PHACTR1: variants seen among roughly 807,000 people sequenced by gnomAD.
PHACTR1 encodes the protein RPEL repeat containing 1.
Under a neutral mutation model 69.2 loss-of-function variants are expected in PHACTR1, and 16 were observed. That is an observed-to-expected ratio of 0.23 (90% CI 0.16 to 0.35). The LOEUF (loss-of-function observed/expected upper bound fraction) is 0.35, where lower values mean the gene tolerates loss of function less well. Ranked by LOEUF, PHACTR1 falls within the 10% of genes least tolerant of loss-of-function variation. The pLI is 1.00. For synonymous variants in PHACTR1, 312 were observed against 284.5 expected, an observed-to-expected ratio of 1.10 and a Z score of -0.97; for missense variants, 510 against 734.7, an observed-to-expected ratio of 0.69 and a Z score of 3.54.
chr6:13,014,959 G>C (rs773776911), intron 4 of PHACTR1, among the ~76,000 whole-genome samples: 1 of 152,214 alleles, frequency 6.6e-6, no homozygotes, highest in Non-Finnish European at 1.5e-5. Context: ...GGCGGTTCCC[G>C]AGCAGCTCAC....
intron 8 of PHACTR1, among the ~76,000 whole-genome samples, chr6:13,219,881 T>C (rs1447492919): frequency 3.3e-5 from 5 of 152,190 alleles, no homozygotes; most frequent in Admixed American, 6.5e-5. Flanking sequence ...CTTTGCTGAT[T>C]CTCCAGGAGA....
At chr6:12,782,304 A>G (rs1770941259) in intron 4 of PHACTR1, among the ~76,000 whole-genome samples, 1 of 152,130 alleles carries the variant, frequency 6.6e-6, no homozygotes, top group South Asian at 2.1e-4. Flanking sequence ...ATAGCATACT[A>G]GTTCTGGCTA....
At chr6:12,797,464 G>A (rs569644885) in intron 4 of PHACTR1, among the ~76,000 whole-genome samples, 9 of 152,254 alleles carry the variant, frequency 5.9e-5, no homozygotes, top group Non-Finnish European at 1.3e-4. Context: ...TAACTCATCG[G>A]TTACTTCTTT....
intron 10 of PHACTR1, among the ~76,000 whole-genome samples, chr6:13,264,186 CA>C (rs1270270993): frequency 6.6e-6 from 1 of 152,144 alleles, no homozygotes; most frequent in Admixed American, 6.5e-5. Flanking sequence ...CGGAACATTG[CA>C]AATCTACATG....
chr6:12,783,433 ATTTCTT>A (rs1348598263), intron 4 of PHACTR1, among the ~76,000 whole-genome samples: 2 of 152,158 alleles, frequency 1.3e-5, no homozygotes, highest in East Asian at 3.8e-4. Context: ...TTAAAGACAC[ATTTCTT>A]TGCTCTTTTG....
chr6:13,064,547 GATATATATATATATATATATATATATAT>G (rs1195089569), intron 5 of PHACTR1, among the ~76,000 whole-genome samples: 1,575 of 70,200 alleles, frequency 0.022, 125 homozygotes, highest in African/African-American at 0.071. Flanking sequence ...GAAGGGAAAA[GATATATATATATATATATATATATATAT>G]ATATATATAT....
chr6:12,958,696 TC>T (rs372293801), intron 4 of PHACTR1, among the ~76,000 whole-genome samples: 137 of 152,324 alleles, frequency 9.0e-4, no homozygotes, highest in African/African-American at 3.2e-3. Context: ...AATTGTTATT[TC>T]TTTTTTATTG....
chr6:13,133,746 C>T (rs1472529399), intron 5 of PHACTR1, among the ~76,000 whole-genome samples: 1 of 151,980 alleles, frequency 6.6e-6, no homozygotes, highest in Non-Finnish European at 1.5e-5. Context: ...GCGTCTCTGC[C>T]TGGCCGCCCA....
intron 4 of PHACTR1, among the ~76,000 whole-genome samples, chr6:12,751,096 C>T (rs559511091): frequency 3.3e-5 from 5 of 152,298 alleles, no homozygotes; most frequent in Admixed American, 2.0e-4. Flanking sequence ...GAGAAAACTG[C>T]ATAGAAAAAC....
At chr6:12,801,212 A>G (rs1773654401) in intron 4 of PHACTR1, among the ~76,000 whole-genome samples, 1 of 152,190 alleles carries the variant, frequency 6.6e-6, no homozygotes, top group Admixed American at 6.5e-5. Context: ...AATGTATTAT[A>G]AAAAGGCTGA....
intron 4 of PHACTR1, among the ~76,000 whole-genome samples, chr6:12,899,924 CA>C (rs1351345327): frequency 6.6e-6 from 1 of 152,168 alleles, no homozygotes; most frequent in African/African-American, 2.4e-5. Flanking sequence ...ACAAGAGGGC[CA>C]TCATCACTGG....
intron 3 of PHACTR1, among the ~76,000 whole-genome samples, chr6:12,726,217 G>A (rs1762773909): frequency 6.6e-6 from 1 of 152,136 alleles, no homozygotes; most frequent in African/African-American, 2.4e-5. Context: ...GACTTCCAGG[G>A]ATCCCTGAGT....
intron 5 of PHACTR1, among the ~76,000 whole-genome samples, chr6:13,123,421 G>C (rs975301949): frequency 1.3e-4 from 20 of 152,212 alleles, no homozygotes; most frequent in Admixed American, 6.5e-5. Flanking sequence ...GAGCTTAACA[G>C]CTTGGCCCTT....
At position 12,841,107 on chromosome 6, in the gene PHACTR1, G is replaced by A. The variant is rs1324108173; in HGVS notation, c.250+91317G>A. Among the ~76,000 whole-genome samples the A allele has an allele frequency of 3.3e-5, 5 of 152,186 alleles. No individual in the cohort carries two copies. The East Asian group carries it at 7.7e-4, about 23-fold the overall frequency. ...TTTTTTACTGTCTGTTGCATAATAT[G>A]CACTGCATTAAGCTCTTTGGGTAGA... On this transcript the variant is annotated intron_variant, in intron 4 of 14. Coordinates refer to ENST00000332995, the MANE Select transcript of PHACTR1 (RefSeq NM_030948.6).
chr6:12,802,576 A>G (rs1773831734), intron 4 of PHACTR1, among the ~76,000 whole-genome samples: 1 of 152,210 alleles, frequency 6.6e-6, no homozygotes, highest in Admixed American at 6.5e-5. Flanking sequence ...CTAAAATGCC[A>G]TCAACCGTAG....
At chr6:13,036,686 G>A (rs1803360023) in intron 4 of PHACTR1, among the ~76,000 whole-genome samples, 1 of 152,206 alleles carries the variant, frequency 6.6e-6, no homozygotes. Flanking sequence ...ACCCTGTCAT[G>A]CGAGAAAATT....
intron 5 of PHACTR1, among the ~76,000 whole-genome samples, chr6:13,058,897 A>G (rs1266734293): frequency 1.3e-5 from 2 of 152,150 alleles, no homozygotes; most frequent in Non-Finnish European, 2.9e-5. Flanking sequence ...CCAGCTCCCC[A>G]CTGATTCTGC....
At chr6:13,200,314 G>A (rs1277891876) in intron 7 of PHACTR1, among the ~76,000 whole-genome samples, 1 of 152,008 alleles carries the variant, frequency 6.6e-6, no homozygotes, top group East Asian at 1.9e-4. Flanking sequence ...GGGTTCAAGC[G>A]ATTCTCCTGC....
intron 4 of PHACTR1, among the ~76,000 whole-genome samples, chr6:12,751,320 T>C (rs116710606): frequency 0.014 from 2,127 of 152,352 alleles, 52 homozygotes; most frequent in African/African-American, 0.049. Context: ...TGGCATGCTG[T>C]AGTAGTCCAT....
Sources: allele counts gnomAD v4.1 joint callset (sites outside exome capture counted in the v4.1 genomes callset), GRCh38; gene constraint gnomAD v4.1.1; transcripts MANE v1.5; gene names NCBI Gene and HGNC (gene_info 2026-07-23, HGNC 2026-07-21).